The following RORA variants were observed in gnomAD, a reference collection of about 807,000 sequenced individuals.
The protein encoded by RORA is nuclear receptor ROR-alpha.
Under a neutral mutation model 69.5 loss-of-function variants are expected in RORA, and 7 were observed. The ratio of observed to expected loss-of-function variants is 0.10; its 90% CI spans 0.06 to 0.19. RORA has a LOEUF of 0.19. RORA is among the 10% of genes least tolerant of loss of function. RORA has a pLI of 1.00. For missense variants in RORA, 457 were observed against 663.0 expected (o/e 0.69, Z 3.41); for synonymous variants, 261 against 240.8 (o/e 1.08, Z -0.78).
chr15:60,906,384 C>A (rs967248269), intron 1 of RORA, among the ~76,000 whole-genome samples: 1 of 152,122 alleles, frequency 6.6e-6, no homozygotes, highest in Non-Finnish European at 1.5e-5. Context: ...ATTAACACAA[C>A]CCCCCAACTA....
chr15:60,948,716 GGATCT>G (rs1892983474), intron 1 of RORA, among the ~76,000 whole-genome samples: 1 of 152,168 alleles, frequency 6.6e-6, no homozygotes, highest in Non-Finnish European at 1.5e-5. Flanking sequence ...TCACACATTT[GGATCT>G]TCCAATTCTA....
chr15:61,004,909 A>T (rs1894866560), intron 1 of RORA, among the ~76,000 whole-genome samples: 1 of 152,200 alleles, frequency 6.6e-6, no homozygotes. Context: ...ACCAATGTTG[A>T]TGAAGGTTTA....
intron 1 of RORA, among the ~76,000 whole-genome samples, chr15:60,887,112 G>A (rs2073759705): frequency 6.6e-6 from 1 of 151,426 alleles, no homozygotes; most frequent in South Asian, 2.1e-4. Flanking sequence ...TGGTTTCTTT[G>A]TCAGCAAGAT....
At chr15:61,175,390 G>A (rs1409982381) in intron 1 of RORA, among the ~76,000 whole-genome samples, 1 of 151,998 alleles carries the variant, frequency 6.6e-6, no homozygotes, top group East Asian at 1.9e-4. Flanking sequence ...AGACTAGGGA[G>A]TTCCCTCACC....
chr15:60,788,989 C>T (rs1229796477), intron 1 of RORA, among the ~76,000 whole-genome samples: 1 of 152,202 alleles, frequency 6.6e-6, no homozygotes, highest in Non-Finnish European at 1.5e-5. Flanking sequence ...CAAAGCGTTA[C>T]CCACAGTGGC....
rs975081310 is a variant in RORA, at chr15:61,022,855, A to T, written c.166+206198T>A. ...CTTTGGCTCCTCAGGTAAGAGATGC[A>T]GGGAGGCAGCAGTATCCCTAGTGGT... On this transcript the variant is annotated intron_variant, in intron 1 of 10. Transcript: ENST00000335670. Among the ~76,000 whole-genome samples the T allele has an allele frequency of 2.4e-4, 37 of 152,212 alleles. 1 individual carries two copies. The highest frequency in any genetic ancestry group is 7.7e-4 in the African/African-American group (32 of 41,540).
chr15:60,820,364 T>C (rs1223582828), intron 1 of RORA, among the ~76,000 whole-genome samples: 4 of 151,892 alleles, frequency 2.6e-5, no homozygotes, highest in Non-Finnish European at 4.4e-5. Context: ...TTTCAAGGGG[T>C]TGAAAGGAAG....
At chr15:60,579,768 C>T (rs1849000676) in intron 2 of RORA, among the ~76,000 whole-genome samples, 1 of 152,078 alleles carries the variant, frequency 6.6e-6, no homozygotes. Context: ...CAAATTAATG[C>T]TCCCCTAAAG....
At chr15:60,805,695 G>A (rs2072650569) in intron 1 of RORA, among the ~76,000 whole-genome samples, 2 of 152,156 alleles carry the variant, frequency 1.3e-5, no homozygotes, top group African/African-American at 4.8e-5. Context: ...ACACTCTAGA[G>A]CCCAGTAGGC....
chr15:60,860,860 T>C (rs1169980734), intron 1 of RORA, among the ~76,000 whole-genome samples: 1 of 152,194 alleles, frequency 6.6e-6, no homozygotes, highest in Non-Finnish European at 1.5e-5. Context: ...CCTCACTGCC[T>C]TTCTCTTTTC....
intron 1 of RORA, among the ~76,000 whole-genome samples, chr15:61,227,813 C>T (rs1401428931): frequency 6.6e-6 from 1 of 152,194 alleles, no homozygotes; most frequent in Non-Finnish European, 1.5e-5. Flanking sequence ...GAGCACGCTT[C>T]CTCCGGAGTG....
At chr15:60,693,912 T>C (rs1678140500) in intron 1 of RORA, among the ~76,000 whole-genome samples, 1 of 152,132 alleles carries the variant, frequency 6.6e-6, no homozygotes, top group Non-Finnish European at 1.5e-5. Flanking sequence ...TAAACTATCA[T>C]TGATTTTTTT....
chr15:60,574,332 G>C (rs1002603870), intron 2 of RORA, among the ~76,000 whole-genome samples: 2 of 152,182 alleles, frequency 1.3e-5, no homozygotes, highest in African/African-American at 4.8e-5. Context: ...ATAAATGATA[G>C]GCTTAGAACA....
intron 1 of RORA, among the ~76,000 whole-genome samples, chr15:60,739,671 G>T (rs1038572903): frequency 5.3e-5 from 8 of 152,016 alleles, no homozygotes; most frequent in African/African-American, 1.9e-4. Context: ...TTCTCTCAAT[G>T]CCCCACTTCA....
intron 2 of RORA, chr15:60,544,887 T>G (rs2067019634): frequency 6.6e-6 from 1 of 152,186 alleles, no homozygotes; most frequent in Non-Finnish European, 1.5e-5. Context: ...GTATTGGAGG[T>G]CAAGGACAGT....
rs1894424871 is a variant in RORA at position 60,992,920 on chromosome 15, T to A, written c.166+236133A>T. ...GATCCGCATACCAAAAAACTTCAAG[T>A]GCTTCAGCATGAAACTACTGATCCA... is the stretch of plus-strand genomic sequence containing the variant. On this transcript the variant is annotated intron_variant, in intron 1 of 10. Coordinates refer to ENST00000335670, the MANE Select transcript of RORA (RefSeq NM_134261.3). Among the ~76,000 whole-genome samples, 2 of 152,104 alleles carry A rather than the reference T, an allele frequency of 1.3e-5. 1 individual carries two copies. The highest frequency in any genetic ancestry group is 4.2e-4 in the South Asian group (2 of 4,814).
At chr15:60,821,093 T>C (rs2072887132) in intron 1 of RORA, among the ~76,000 whole-genome samples, 1 of 151,904 alleles carries the variant, frequency 6.6e-6, no homozygotes, top group Non-Finnish European at 1.5e-5. Context: ...TTTCCAGCTG[T>C]AGGGCCTAGG....
chr15:60,850,444 A>G (rs923410511), intron 1 of RORA, among the ~76,000 whole-genome samples: 1 of 152,174 alleles, frequency 6.6e-6, no homozygotes, highest in Non-Finnish European at 1.5e-5. Context: ...TCCTGACTCC[A>G]CATGACTCCT....
chr15:60,836,969 C>G (rs982731214), intron 1 of RORA, among the ~76,000 whole-genome samples: 8 of 152,092 alleles, frequency 5.3e-5, no homozygotes, highest in African/African-American at 1.9e-4. Context: ...GGGCCTTTCC[C>G]TGTTGAAAAA....
Sources: gnomAD v4.1 joint callset for allele counts (sites outside exome capture counted in the v4.1 genomes callset) on GRCh38, gnomAD v4.1.1 for gene constraint, MANE v1.5 for transcripts, NCBI Gene and HGNC (gene_info 2026-07-23, HGNC 2026-07-21) for gene names.